TADA2A: variants seen among roughly 807,000 people sequenced by gnomAD.
TADA2A encodes transcriptional adaptor 2A, also known as transcriptional adapter 2-alpha.
A neutral mutation model predicts 67.4 loss-of-function variants in TADA2A; 38 were observed. The ratio of observed to expected loss-of-function variants is 0.56; its 90% confidence interval spans 0.44 to 0.74. TADA2A has a LOEUF of 0.74. TADA2A is among the 30% of genes least tolerant of loss of function. The pLI, the probability that TADA2A is intolerant of heterozygous loss-of-function variation, is 0.00. For synonymous variants in TADA2A, 192 were observed against 181.6 expected (o/e 1.06, Z -0.46); for missense variants, 454 against 547.0 (o/e 0.83, Z 1.70).
intron 15 of TADA2A, among the ~76,000 whole-genome samples, chr17:37,476,573 G>T (rs890369432): frequency 6.6e-6 from 1 of 152,160 alleles, no homozygotes; most frequent in Non-Finnish European, 1.5e-5. Context: ...TGTGCTAAAG[G>T]CTCTTCTAGT....
intron 8 of TADA2A, among the ~76,000 whole-genome samples, chr17:37,455,105 A>AC (rs1330939431): frequency 6.6e-6 from 1 of 152,128 alleles, no homozygotes; most frequent in Non-Finnish European, 1.5e-5. Flanking sequence ...AAAACACCAA[A>AC]CTCTCAACTT....
chr17:37,437,410 A>G (rs1350823497), intron 4 of TADA2A, among the ~76,000 whole-genome samples: 2 of 132,936 alleles, frequency 1.5e-5, no homozygotes, highest in Admixed American at 7.6e-5. Flanking sequence ...TTTTTGAGAC[A>G]GAGTCTTGTT....
chr17:37,445,367 G>A (rs1360543520), intron 8 of TADA2A, among the ~76,000 whole-genome samples: 1 of 152,200 alleles, frequency 6.6e-6, no homozygotes, highest in Non-Finnish European at 1.5e-5. Flanking sequence ...CCAGGTTCAA[G>A]GGATTCTCCT....
At chr17:37,475,949 T>TA (rs1189506215) in intron 15 of TADA2A, among the ~76,000 whole-genome samples, 2 of 152,238 alleles carry the variant, frequency 1.3e-5, no homozygotes, top group Non-Finnish European at 2.9e-5. Flanking sequence ...TTGCTCCTCA[T>TA]ATGCTCCTTT....
At chr17:37,419,667 A>G (rs2052168069) in intron 2 of TADA2A, among the ~76,000 whole-genome samples, 1 of 145,206 alleles carries the variant, frequency 6.9e-6, no homozygotes, top group South Asian at 2.3e-4. Context: ...AATCCCAGCT[A>G]CTTGGGAGGC....
At position 37,413,010 on chromosome 17, in the gene TADA2A, C is replaced by G. The variant is rs917276991; in HGVS notation, c.25+1620C>G. The stretch of plus-strand genomic sequence containing the variant: ...TGGCATGATCTCGGCTTACTGCAAC[C>G]TCCACCTCCCGGGTTCAAGCAATTC... On this transcript the variant is annotated intron_variant, in intron 2 of 15. Transcript: ENST00000615182. Among the ~76,000 whole-genome samples, 3 of 152,060 alleles carry G rather than the reference C, an allele frequency of 2.0e-5. No homozygotes were observed. The East Asian group carries it at 5.8e-4, about 30-fold the overall frequency.
chr17:37,455,632 C>T (rs984775420), intron 8 of TADA2A, among the ~76,000 whole-genome samples: 3 of 152,146 alleles, frequency 2.0e-5, no homozygotes, highest in African/African-American at 4.8e-5. Context: ...CCACCTGCCT[C>T]GGCCTCCCAA....
intron 4 of TADA2A, among the ~76,000 whole-genome samples, chr17:37,427,289 T>A (rs1211545227): frequency 6.6e-6 from 1 of 152,188 alleles, no homozygotes; most frequent in Non-Finnish European, 1.5e-5. Context: ...AGGAAATACT[T>A]TTGATATGAG....
intron 14 of TADA2A, among the ~76,000 whole-genome samples, chr17:37,472,994 C>T (rs1210668740): frequency 6.6e-6 from 1 of 152,008 alleles, no homozygotes; most frequent in African/African-American, 2.4e-5. Context: ...CAGGGTCTCC[C>T]TCTACTATCC....
At chr17:37,469,924 G>A (rs571569191) in intron 12 of TADA2A, among the ~76,000 whole-genome samples, 8 of 152,158 alleles carry the variant, frequency 5.3e-5, no homozygotes, top group Non-Finnish European at 1.2e-4. Flanking sequence ...CCTGATATTG[G>A]CTGCCTCTAA....
chr17:37,419,849 A>C (rs1187199879), intron 2 of TADA2A, among the ~76,000 whole-genome samples: 1 of 144,240 alleles, frequency 6.9e-6, no homozygotes, highest in African/African-American at 2.5e-5. Flanking sequence ...CCCTGTCTCT[A>C]CTAAAAATAT....
intron 13 of TADA2A, 45 bp from the exon 14 acceptor site, chr17:37,471,049 C>T (rs747603318): frequency 1.3e-5 from 21 of 1,611,034 alleles, no homozygotes; most frequent in Non-Finnish European, 5.9e-6. Flanking sequence ...TGGAAATCAC[C>T]TTGTTTGATA....
intron 12 of TADA2A, among the ~76,000 whole-genome samples, chr17:37,469,499 G>A (rs1163903999): frequency 6.6e-6 from 1 of 151,956 alleles, no homozygotes. Context: ...TGGGCATGGT[G>A]GCGCATGCCT....
chr17:37,429,278 G>A (rs867025846), intron 4 of TADA2A, among the ~76,000 whole-genome samples: 1 of 151,938 alleles, frequency 6.6e-6, no homozygotes, highest in Non-Finnish European at 1.5e-5. Flanking sequence ...ATTACATTGG[G>A]CCTATCAGGG....
chr17:37,426,355 A>C (rs563727845), intron 3 of TADA2A: 3 of 152,158 alleles, frequency 2.0e-5, no homozygotes, highest in African/African-American at 7.2e-5. Flanking sequence ...TTGCAGCTGC[A>C]GACAAGATTA....
chr17:37,419,426 G>A (rs2052160904), intron 2 of TADA2A, among the ~76,000 whole-genome samples: 1 of 145,202 alleles, frequency 6.9e-6, no homozygotes, highest in African/African-American at 2.5e-5. Context: ...CACCCACCTT[G>A]GTCTCCCAGA....
At chr17:37,467,155 A>T (rs1201981662) in intron 11 of TADA2A, among the ~76,000 whole-genome samples, 1 of 152,206 alleles carries the variant, frequency 6.6e-6, no homozygotes, top group Non-Finnish European at 1.5e-5. Context: ...TCTGTCTCAA[A>T]AAAAGAAAAA....
intron 4 of TADA2A, among the ~76,000 whole-genome samples, chr17:37,428,545 A>C (rs571487063): frequency 6.6e-6 from 1 of 152,136 alleles, no homozygotes; most frequent in Non-Finnish European, 1.5e-5. Context: ...CTATTGCCTT[A>C]TCTTTCCTGT....
intron 8 of TADA2A, among the ~76,000 whole-genome samples, chr17:37,451,719 C>T (rs1028329343): frequency 2.0e-5 from 3 of 152,162 alleles, no homozygotes; most frequent in South Asian, 2.1e-4. Flanking sequence ...CGCAGTGGCT[C>T]ATGCCTGTAA....
Sources: gnomAD v4.1 joint callset for allele counts (sites outside exome capture counted in the v4.1 genomes callset) on GRCh38, gnomAD v4.1.1 for gene constraint, MANE v1.5 for transcripts, NCBI Gene and HGNC (gene_info 2026-07-23, HGNC 2026-07-21) for gene names.